The following PXN variants were observed in gnomAD, a reference collection of about 807,000 sequenced individuals.
The protein encoded by PXN is paxillin.
PXN carries 61 observed loss-of-function variants against 103.6 expected under a neutral mutation model. That is an observed-to-expected ratio of 0.59 (90% CI 0.48 to 0.73). PXN has a LOEUF of 0.73. Among genes scored for constraint, PXN ranks in the 30% least tolerant of loss-of-function variants. The pLI, the probability that PXN is intolerant of heterozygous loss-of-function variation, is 0.00. For missense variants in PXN, 1,274 were observed against 1,460.3 expected (o/e 0.87, Z 2.08); for synonymous variants, 562 against 607.8 (o/e 0.92, Z 1.11).
chr12:120,215,591 CGCCCGCCGTCCCGAG>C lies in PXN; in HGVS notation c.2357_2371del (p.Pro786_Gly790del). On this transcript the variant is annotated inframe_deletion, in exon 10 of 15. Coordinates refer to ENST00000637617, the MANE Select transcript of PXN (RefSeq NM_001385981.1). The surrounding 1 kb of genome is among the most constrained non-coding windows in gnomAD (Gnocchi z 4.9). ...CTCGTCCTGCCCTCCGGGGCTGCTC[CGCCCGCCGTCCCGAG>C]GCCAGCCGGCCGCCCAGCACCGCTC... 1 of 1,607,502 alleles carries C rather than the reference CGCCCGCCGTCCCGAG, an allele frequency of 6.2e-7. No homozygotes were observed. The highest frequency in any genetic ancestry group is 1.7e-4 in the Middle Eastern group (1 of 6,036).
Position 120,219,417 on chromosome 12 carries a change from G to A in PXN, c.1506C>T (p.Ser502=). The A allele has an allele frequency of 6.3e-7, 1 of 1,598,156 alleles. No individual in the cohort carries two copies. The highest frequency in any genetic ancestry group is 1.1e-5 in the South Asian group (1 of 91,072). The part of the protein sequence containing the change: ...PRPEPGRLGS[S]SPASVTTEQL... ...GCTCCGTGGTAACTGAGGCAGGGGA[G>A]CTGCTTCCCAGCCTCCCTGGCTCTG... The change falls in exon 7 of 15, where the codon AGC becomes AGT. Residue 502 remains serine, a synonymous_variant. Coordinates refer to ENST00000637617, the MANE Select transcript of PXN (RefSeq NM_001385981.1). The surrounding 1 kb of genome is among the most constrained non-coding windows in gnomAD (Gnocchi z 6.5).
Position 120,228,661 on chromosome 12 carries a change from G to A in PXN, c.14-4284C>T, listed in dbSNP as rs952693681. Among the ~76,000 whole-genome samples, 4 of 152,222 alleles carry A rather than the reference G, an allele frequency of 2.6e-5. No homozygotes were observed. The highest frequency in any genetic ancestry group is 5.9e-5 in the Non-Finnish European group (4 of 68,038). On this transcript the variant is annotated intron_variant, in intron 1 of 14. Coordinates refer to ENST00000637617, the MANE Select transcript of PXN (RefSeq NM_001385981.1). This position sits in a 1 kb window ranked among gnomAD's most constrained non-coding sequence, Gnocchi z 4.7. ...CCTTAGAGAACAAGGCTGAGCTGGA[G>A]GAACACAGCAAGCTAGTGGGAGGAA...
rs1884653526 is a variant in PXN, at chr12:120,220,107, A to G, written c.832-16T>C. 5.2e-6 allele frequency: 5 copies of G among 968,408 alleles called. No homozygotes were observed. The highest frequency in any genetic ancestry group is 6.0e-6 in the Non-Finnish European group (4 of 664,158). The allele number at this position is 968,408 out of a possible 1,614,324, so 60.0% of individuals were successfully genotyped here. A position where few individuals can be genotyped will look rare whatever the true frequency, so the allele number is the denominator to read the frequency against. On this transcript the variant is annotated splice_polypyrimidine_tract_variant and intron_variant, in intron 6 of 14. Transcript: ENST00000637617. The surrounding 1 kb of genome is among the most constrained non-coding windows in gnomAD (Gnocchi z 6.1). Reference sequence around the variant, plus strand: ...AGGAGCTGGTCTGGAGAAGAGAGAAATGCAGAGGGGAGAGGAGAGAGAGAG... The same window carrying G: ...AGGAGCTGGTCTGGAGAAGAGAGAAGTGCAGAGGGGAGAGGAGAGAGAGAG...
chr12:120,244,785 G>A (rs1890774845), intron 1 of PXN, among the ~76,000 whole-genome samples: 1 of 151,836 alleles, frequency 6.6e-6, no homozygotes, highest in Admixed American at 6.5e-5. Flanking sequence ...TCACGCCACT[G>A]CACTCCAGCC....
intron 1 of PXN, among the ~76,000 whole-genome samples, chr12:120,259,509 A>G (rs1245384905): frequency 1.3e-5 from 2 of 152,192 alleles, no homozygotes; most frequent in Non-Finnish European, 2.9e-5. Flanking sequence ...CAATACCACA[A>G]TCACACAAGA....
chr12:120,259,068 T>C (rs1469507642), intron 1 of PXN, among the ~76,000 whole-genome samples: 1 of 142,562 alleles, frequency 7.0e-6, no homozygotes, highest in Non-Finnish European at 1.5e-5. Context: ...AAACTCTGCC[T>C]CAAAACAAAC....
chr12:120,219,105 C>A lies in PXN; in HGVS notation c.1716+102G>T, dbSNP rs1017870983. On this transcript the variant is annotated intron_variant, in intron 7 of 14. Transcript: ENST00000637617. The surrounding 1 kb of genome is among the most constrained non-coding windows in gnomAD (Gnocchi z 6.5). ...AGTGTCTCAGCATTTTCTGCCCAAGCAGACATGCGCAGAGTGGGAGGCTGC... is the reference window on the plus strand; with the variant it reads ...AGTGTCTCAGCATTTTCTGCCCAAGAAGACATGCGCAGAGTGGGAGGCTGC... 491 of 1,245,892 alleles carry A rather than the reference C, an allele frequency of 3.9e-4. 4 individuals carry two copies. Among genetic ancestry groups the A allele is most frequent in the Non-Finnish European group, 7.4e-5 (69 of 930,762 alleles). 77.2% of individuals were successfully genotyped at this position (1,245,892 alleles called of 1,614,324 possible). A position where few individuals can be genotyped will look rare whatever the true frequency, so the allele number is the denominator to read the frequency against.
Position 120,216,228 on chromosome 12 carries a change from C to CTT in PXN, c.2301+44_2301+45insAA. 7.9e-7 allele frequency: 1 copy of CTT among 1,270,228 alleles called. No homozygotes were observed. Among genetic ancestry groups the CTT allele is most frequent in the African/African-American group, 1.5e-5 (1 of 64,594 alleles). 78.7% of individuals were successfully genotyped at this position (1,270,228 alleles called of 1,614,324 possible). A position where few individuals can be genotyped will look rare whatever the true frequency, so the allele number is the denominator to read the frequency against. ...TGTGCAGAGTGGGGGATGGCTCAGG[C>CTT]ATTAGGACAGGGGACAGAAAGGGAG... On this transcript the variant is annotated intron_variant, in intron 9 of 14. Coordinates refer to ENST00000637617, the MANE Select transcript of PXN (RefSeq NM_001385981.1). The surrounding 1 kb of genome is among the most constrained non-coding windows in gnomAD (Gnocchi z 5.1).
intron 1 of PXN, among the ~76,000 whole-genome samples, chr12:120,231,345 T>C (rs1370141629): frequency 1.3e-5 from 2 of 152,196 alleles, no homozygotes; most frequent in African/African-American, 4.8e-5. Context: ...GCTAAGAGGA[T>C]GGATGAGAAA....
At chr12:120,263,460 C>T (rs1055701751) in intron 1 of PXN, among the ~76,000 whole-genome samples, 2 of 152,116 alleles carry the variant, frequency 1.3e-5, no homozygotes, top group African/African-American at 2.4e-5. Context: ...CTTCAAGTGC[C>T]CTTGCCTCCT....
chr12:120,213,545 T>C lies in PXN; in HGVS notation c.2979+297A>G, dbSNP rs1881187520. Among the ~76,000 whole-genome samples, 1 of 152,234 alleles carries C rather than the reference T, an allele frequency of 6.6e-6. No homozygotes were observed. Among genetic ancestry groups the C allele is most frequent in the Non-Finnish European group, 1.5e-5 (1 of 68,042 alleles). ...GCCCATTTCTGTTGAGTCTGCTAAA[T>C]ACTTGCATTATCTCATTTAGTTCTC... On this transcript the variant is annotated intron_variant, in intron 14 of 14. Coordinates refer to ENST00000637617, the MANE Select transcript of PXN (RefSeq NM_001385981.1). This position sits in a 1 kb window ranked among gnomAD's most constrained non-coding sequence, Gnocchi z 4.2.
chr12:120,258,086 C>A (rs547723746), intron 1 of PXN, among the ~76,000 whole-genome samples: 1 of 151,550 alleles, frequency 6.6e-6, no homozygotes, highest in Non-Finnish European at 1.5e-5. Context: ...CTAGCTACTG[C>A]GGAGGCTGAG....
chr12:120,217,017 T>A lies in PXN; in HGVS notation c.1816A>T (p.Arg606Trp). Residue 606 changes from arginine (R) to tryptophan (W), a missense_variant, in exon 8 of 15, where the codon AGG (arginine) becomes TGG (tryptophan). Physicochemically the swap from Arg to Trp is moderately radical, Grantham distance 101. Around this residue, in one of 2 missense-constraint regions of PXN, gnomAD observed 1,178 missense variants for 1,309.0 expected, o/e 0.90. Transcript: ENST00000637617. This position sits in a 1 kb window ranked among gnomAD's most constrained non-coding sequence, Gnocchi z 4.1. ...RRRLDPATLSRTPSQEQLIAE... is the reference protein window; with the variant it reads ...RRRLDPATLSWTPSQEQLIAE... ...ATGAGCTGTTCCTGGGATGGGGTCCTGCTCAAGGTGGCAGGGTCCAGCCGG... is the reference window on the plus strand; with the variant it reads ...ATGAGCTGTTCCTGGGATGGGGTCCAGCTCAAGGTGGCAGGGTCCAGCCGG... 6.3e-7 allele frequency: 1 copy of A among 1,578,286 alleles called. No individual in the cohort carries two copies. The highest frequency in any genetic ancestry group is 8.5e-7 in the Non-Finnish European group (1 of 1,170,526).
chr12:120,237,145 G>A (rs867987297), intron 1 of PXN, among the ~76,000 whole-genome samples: 36 of 121,518 alleles, frequency 3.0e-4, no homozygotes, highest in African/African-American at 8.1e-4. Flanking sequence ...GTGTGTGTGT[G>A]TATACACACA....
intron 1 of PXN, among the ~76,000 whole-genome samples, chr12:120,249,505 AG>A (rs1891799679): frequency 2.0e-5 from 3 of 152,196 alleles, no homozygotes; most frequent in Admixed American, 6.5e-5. Flanking sequence ...CTCAATTGCC[AG>A]TGATCAGCCA....
chr12:120,214,119 G>A lies in PXN; in HGVS notation c.2830+17C>T, dbSNP rs1325078028. 3.9e-6 allele frequency: 6 copies of A among 1,553,654 alleles called. No homozygotes were observed. The highest frequency in any genetic ancestry group is 2.0e-5 in the Admixed American group (1 of 51,174). On this transcript the variant is annotated intron_variant, in intron 13 of 14. Coordinates refer to ENST00000637617, the MANE Select transcript of PXN (RefSeq NM_001385981.1). The surrounding 1 kb of genome is among the most constrained non-coding windows in gnomAD (Gnocchi z 5.0). ...CTCCTAAGAGGCGGTGGGTCAGTCC[G>A]CCGGTCCAGCCCGTACCTTCGGGAC...
At chr12:120,260,688 A>G (rs915082436) in intron 1 of PXN, among the ~76,000 whole-genome samples, 1 of 152,170 alleles carries the variant, frequency 6.6e-6, no homozygotes, top group Non-Finnish European at 1.5e-5. Context: ...AGAATGCACC[A>G]GGCACAATGG....
intron 1 of PXN, among the ~76,000 whole-genome samples, chr12:120,260,232 G>A (rs952373224): frequency 1.3e-5 from 2 of 152,204 alleles, no homozygotes; most frequent in East Asian, 1.9e-4. Context: ...CAAAAAGGCC[G>A]GGTGCAGTGG....
intron 1 of PXN, among the ~76,000 whole-genome samples, chr12:120,237,967 G>C (rs899849870): frequency 5.3e-5 from 8 of 152,158 alleles, no homozygotes; most frequent in African/African-American, 1.9e-4. Context: ...TGGTGGGATG[G>C]CATCACTGAG....
Sources: allele counts gnomAD v4.1 joint callset (sites outside exome capture counted in the v4.1 genomes callset), GRCh38; gene constraint gnomAD v4.1.1; regional missense constraint gnomAD v4.1.1; non-coding constraint Gnocchi (gnomAD v3.1); transcripts MANE v1.5; gene names NCBI Gene and HGNC (gene_info 2026-07-23, HGNC 2026-07-21).